FAM98A: variants seen among roughly 807,000 people sequenced by gnomAD.
FAM98A encodes the protein tRNA splicing ligase complex subunit 3A.
Under a neutral mutation model 62.9 loss-of-function variants are expected in FAM98A, and 25 were observed. The ratio of observed to expected loss-of-function variants is 0.40; its 90% confidence interval spans 0.29 to 0.56. FAM98A has a LOEUF of 0.56. Ranked by LOEUF, FAM98A falls within the 20% of genes least tolerant of loss-of-function variation. FAM98A has a pLI of 0.51. For missense variants in FAM98A, 653 were observed against 640.7 expected (o/e 1.02, Z -0.21); for synonymous variants, 252 against 228.6 (o/e 1.10, Z -0.92).
Position 33,585,386 on chromosome 2 carries a change from G to A in FAM98A, c.947C>T (p.Pro316Leu). The A allele has an allele frequency of 6.2e-7, 1 of 1,614,118 alleles. No homozygotes were observed. The highest frequency in any genetic ancestry group is 8.5e-7 in the Non-Finnish European group (1 of 1,180,028). ...CTTCTGCCACGGTGGCATCTCTGGG[G>A]GTGGAGGTTCGATTTCATTGGGTCT... ...GGRPNEIEPP[P>L]PEMPPWQKRQ... The change falls in exon 8 of 8, where the codon CCC becomes CTC. Residue 316 changes from proline to leucine, a missense_variant. Physicochemically the swap from Pro to Leu is moderately conservative, Grantham distance 98 (BLOSUM62 -3). Coordinates refer to ENST00000238823, the MANE Select transcript of FAM98A (RefSeq NM_015475.5).
At chr2:33,596,492 G>A (rs540035211) in intron 1 of FAM98A, among the ~76,000 whole-genome samples, 1 of 152,224 alleles carries the variant, frequency 6.6e-6, no homozygotes, top group Non-Finnish European at 1.5e-5. Context: ...TAAGATTTCT[G>A]TCACTCCAAG....
chr2:33,592,277 T>TTCA, intron 2 of FAM98A, 63 bp from the exon 3 acceptor site: 1 of 1,267,806 alleles, frequency 7.9e-7, no homozygotes, highest in Non-Finnish European at 1.1e-6. Flanking sequence ...GCATAACAAT[T>TTCA]ATTATATATA....
chr2:33,589,814 C>T (rs1572417146), intron 3 of FAM98A: 1 of 152,154 alleles, frequency 6.6e-6, no homozygotes, highest in South Asian at 2.1e-4. Flanking sequence ...TCTATGGCTG[C>T]TTTCATGCTG....
chr2:33,595,568 C>T lies in FAM98A; in HGVS notation c.123G>A (p.Glu41=), dbSNP rs72785999. Residue 41 remains glutamate, a synonymous_variant, in exon 2 of 8, where the codon GAG becomes GAA. Coordinates refer to ENST00000238823, the MANE Select transcript of FAM98A (RefSeq NM_015475.5). ...QAVSAGASSP[E]FTKLCAWLVS... ...CCAGCCAAGCACAGAGTTTGGTAAA[C>T]TCGGGGGAACTGGCTCCAGCAGAGA... 7.4e-3 allele frequency: 11,855 copies of T among 1,609,968 alleles called. 62 individuals are homozygous for T. The highest frequency in any genetic ancestry group is 0.01 in the Middle Eastern group (63 of 6,056).
chr2:33,586,776 C>A (rs1677567825), intron 5 of FAM98A, 98 bp from the exon 6 acceptor site: 1 of 733,250 alleles, frequency 1.4e-6, no homozygotes, highest in Admixed American at 2.2e-5. Context: ...TAACTGAGAT[C>A]CCGGCCATTT....
At chr2:33,587,417 C>T in intron 4 of FAM98A, 97 bp from the exon 5 acceptor site, 1 of 921,856 alleles carries the variant, frequency 1.1e-6, no homozygotes. Flanking sequence ...AAGAAGATTC[C>T]TGACAGAGGC....
chr2:33,594,658 T>C (rs1271151077), intron 2 of FAM98A, among the ~76,000 whole-genome samples: 1 of 115,924 alleles, frequency 8.6e-6, no homozygotes, highest in East Asian at 2.2e-4. Flanking sequence ...TATACACACA[T>C]ATATATACAC....
intron 2 of FAM98A, among the ~76,000 whole-genome samples, chr2:33,592,521 A>C (rs1677694834): frequency 6.6e-6 from 1 of 152,098 alleles, no homozygotes; most frequent in African/African-American, 2.4e-5. Context: ...GTATGCTACC[A>C]TGCCTGGCTA....
chr2:33,592,344 C>T (rs540103897), intron 2 of FAM98A, 130 bp from the exon 3 acceptor site: 2 of 727,832 alleles, frequency 2.7e-6, no homozygotes, highest in Non-Finnish European at 4.4e-6. Context: ...CTAATTTATC[C>T]TTTCTTACAC....
At chr2:33,598,140 G>C (rs1411953764) in intron 1 of FAM98A, among the ~76,000 whole-genome samples, 1 of 152,216 alleles carries the variant, frequency 6.6e-6, no homozygotes, top group Non-Finnish European at 1.5e-5. Flanking sequence ...TACTAGGGTA[G>C]TAAATTATTC....
chr2:33,592,892 C>G (rs1436381112), intron 2 of FAM98A, among the ~76,000 whole-genome samples: 1 of 152,190 alleles, frequency 6.6e-6, no homozygotes, highest in East Asian at 1.9e-4. Context: ...CTCACTGTCC[C>G]ATGAATAGCC....
At chr2:33,592,784 T>C (rs1455367287) in intron 2 of FAM98A, among the ~76,000 whole-genome samples, 1 of 152,234 alleles carries the variant, frequency 6.6e-6, no homozygotes, top group Non-Finnish European at 1.5e-5. Flanking sequence ...CTTTTAAAGA[T>C]TCTTCATAGC....
In FAM98A at chr2:33,588,320, T is replaced by C; in HGVS notation, c.522+15A>G. On this transcript the variant is annotated intron_variant, in intron 4 of 7. Coordinates refer to ENST00000238823, the MANE Select transcript of FAM98A (RefSeq NM_015475.5). ...ATGCCTTTAATACACTACAATTTGG[T>C]ACTAAAGGTCTTACTTTTTTTTCAA... The C allele has an allele frequency of 6.2e-7, 1 of 1,600,970 alleles. No homozygotes were observed. The highest frequency in any genetic ancestry group is 8.5e-7 in the Non-Finnish European group (1 of 1,170,616).
At position 33,599,294 on chromosome 2, in the gene FAM98A, G is replaced by C; in HGVS notation, c.-73C>G. ...CGGCAACGCGTACACTCGCGCATGC[G>C]CGACTTCCCCGGAACTTCCAAATCC... On this transcript the variant is annotated 5_prime_UTR_variant, in exon 1 of 8. Transcript: ENST00000238823. 1 of 1,287,086 alleles carries C rather than the reference G, an allele frequency of 7.8e-7. No homozygotes were observed. The allele number at this position is 1,287,086 out of a possible 1,614,324, so 79.7% of individuals were successfully genotyped here. A position where few individuals can be genotyped will look rare whatever the true frequency, so the allele number is the denominator to read the frequency against.
chr2:33,597,896 A>G (rs567209964), intron 1 of FAM98A, among the ~76,000 whole-genome samples: 1 of 152,338 alleles, frequency 6.6e-6, no homozygotes, highest in South Asian at 2.1e-4. Context: ...CTGTTCCTAA[A>G]AAAGTCCTAA....
At chr2:33,589,003 CA>C (rs1468204194) in intron 3 of FAM98A, 1 of 152,090 alleles carries the variant, frequency 6.6e-6, no homozygotes, top group Non-Finnish European at 1.5e-5. Flanking sequence ...AGGTGTGAAA[CA>C]ACATTTATAA....
chr2:33,598,723 G>T (rs943283341), intron 1 of FAM98A, among the ~76,000 whole-genome samples: 2 of 152,164 alleles, frequency 1.3e-5, no homozygotes, highest in Non-Finnish European at 2.9e-5. Context: ...GAGAAATTTT[G>T]AGAGAAGTGG....
intron 2 of FAM98A, among the ~76,000 whole-genome samples, chr2:33,592,678 T>C (rs549703340): frequency 3.3e-4 from 51 of 152,280 alleles, no homozygotes; most frequent in African/African-American, 1.2e-3. Context: ...CAATCTAAAA[T>C]TTTCTTTCTC....
chr2:33,598,261 T>A (rs1448458779), intron 1 of FAM98A, among the ~76,000 whole-genome samples: 1 of 152,242 alleles, frequency 6.6e-6, no homozygotes, highest in Non-Finnish European at 1.5e-5. Flanking sequence ...AAAGAACTTG[T>A]TACTTAGAAA....
Sources: gnomAD v4.1 joint callset for allele counts (sites outside exome capture counted in the v4.1 genomes callset) on GRCh38, gnomAD v4.1.1 for gene constraint, MANE v1.5 for transcripts, NCBI Gene and HGNC (gene_info 2026-07-23, HGNC 2026-07-21) for gene names.